The following SIPA1L1 variants were observed in gnomAD, a reference collection of about 807,000 sequenced individuals.
The protein encoded by SIPA1L1 is signal induced proliferation associated 1 like 1, also known as signal-induced proliferation-associated 1-like protein 1.
Under a neutral mutation model 162.7 loss-of-function variants are expected in SIPA1L1, and 26 were observed. The ratio of observed to expected loss-of-function variants is 0.16; its 90% CI spans 0.12 to 0.22. SIPA1L1 has a LOEUF of 0.22. Ranked by LOEUF, SIPA1L1 falls within the 10% of genes least tolerant of loss-of-function variation. The pLI is 1.00. For missense variants in SIPA1L1, 1,874 were observed against 2,241.0 expected (o/e 0.84, Z 3.31); for synonymous variants, 829 against 837.4 (o/e 0.99, Z 0.17).
chr14:71,333,471 A>C (rs537492960), intron 2 of SIPA1L1, among the ~76,000 whole-genome samples: 1 of 152,358 alleles, frequency 6.6e-6, no homozygotes, highest in South Asian at 2.1e-4. Flanking sequence ...TTGACTATAC[A>C]TGAAAAGATT....
At position 71,588,690 on chromosome 14, in the gene SIPA1L1, G is replaced by A; in HGVS notation, c.818G>A (p.Arg273Lys). ...DGPISQRENL[R>K]LFKEREKPLK... ...CCTATCTCACAGAGAGAGAACCTCAGGCTTTTTAAGGAAAGGGAAAAACCA... is the reference window on the plus strand; with the variant it reads ...CCTATCTCACAGAGAGAGAACCTCAAGCTTTTTAAGGAAAGGGAAAAACCA... The change falls in exon 5 of 24, where the codon AGG becomes AAG. Residue 273 changes from arginine (R) to lysine (K), a missense_variant. By Grantham distance (26) the Arg-to-Lys change is conservative. Transcript: ENST00000381232. The surrounding 1 kb of genome is among the most constrained non-coding windows in gnomAD (Gnocchi z 4.3). 1 of 1,613,970 alleles carries A rather than the reference G, an allele frequency of 6.2e-7. No individual in the cohort carries two copies. The highest frequency in any genetic ancestry group is 1.1e-5 in the South Asian group (1 of 91,078).
chr14:71,547,292 CTT>C (rs753714304), intron 4 of SIPA1L1, among the ~76,000 whole-genome samples: 195 of 111,218 alleles, frequency 1.8e-3, no homozygotes, highest in Middle Eastern at 6.0e-3. Flanking sequence ...ATGAAAATAA[CTT>C]TTTTTTTTTT....
At chr14:71,404,507 G>A (rs1018509713) in intron 2 of SIPA1L1, among the ~76,000 whole-genome samples, 3 of 152,130 alleles carry the variant, frequency 2.0e-5, no homozygotes, top group Admixed American at 6.5e-5. Flanking sequence ...TTGCACCACC[G>A]CACTGCACTC....
At chr14:71,557,386 T>C (rs2056437663) in intron 4 of SIPA1L1, among the ~76,000 whole-genome samples, 1 of 152,242 alleles carries the variant, frequency 6.6e-6, no homozygotes, top group African/African-American at 2.4e-5. Flanking sequence ...AATTTCAAAC[T>C]AAGTCCTTAC....
chr14:71,598,958 C>T (rs2036381322), intron 5 of SIPA1L1, among the ~76,000 whole-genome samples: 1 of 152,054 alleles, frequency 6.6e-6, no homozygotes, highest in South Asian at 2.1e-4. Context: ...CCCCCACTTC[C>T]ACCTACACAC....
chr14:71,544,163 G>GCACGTGTGTGTATATA (rs756031755), intron 4 of SIPA1L1, among the ~76,000 whole-genome samples: 3,875 of 145,334 alleles, frequency 0.027, 94 homozygotes, highest in Admixed American at 0.045. Context: ...GTGTGTATAT[G>GCACGTGTGTGTATATA]TACATATATG....
At chr14:71,432,458 T>C (rs1051281957) in intron 2 of SIPA1L1, among the ~76,000 whole-genome samples, 2 of 152,208 alleles carry the variant, frequency 1.3e-5, no homozygotes, top group African/African-American at 4.8e-5. Context: ...AATGGGGGCC[T>C]AACAACCTAC....
intron 2 of SIPA1L1, among the ~76,000 whole-genome samples, chr14:71,403,874 A>G (rs562777994): frequency 3.3e-5 from 5 of 152,032 alleles, no homozygotes; most frequent in Non-Finnish European, 5.9e-5. Context: ...CAGTATGATC[A>G]CTGTATTTCC....
chr14:71,616,628 G>A (rs150209640), intron 5 of SIPA1L1, among the ~76,000 whole-genome samples: 153 of 152,288 alleles, frequency 1.0e-3, no homozygotes, highest in Non-Finnish European at 1.8e-3. Context: ...AAGCTAGAGT[G>A]TGGATGCTGG....
At chr14:71,403,783 C>T (rs1385568003) in intron 2 of SIPA1L1, among the ~76,000 whole-genome samples, 1 of 152,044 alleles carries the variant, frequency 6.6e-6, no homozygotes, top group Non-Finnish European at 1.5e-5. Flanking sequence ...GATGGGTGAG[C>T]TCAAGCCAGC....
At chr14:71,572,408 T>G (rs1461404278) in intron 4 of SIPA1L1, among the ~76,000 whole-genome samples, 2 of 152,208 alleles carry the variant, frequency 1.3e-5, no homozygotes, top group Non-Finnish European at 2.9e-5. Context: ...ATGCTAAGAC[T>G]CAAAGCTTTT....
At chr14:71,507,641 T>A (rs933142646) in intron 2 of SIPA1L1, among the ~76,000 whole-genome samples, 2 of 152,236 alleles carry the variant, frequency 1.3e-5, no homozygotes, top group Non-Finnish European at 1.5e-5. Flanking sequence ...TGTACTTCCT[T>A]TCTCTTACTG....
chr14:71,696,463 T>C (rs1160254002), intron 13 of SIPA1L1, among the ~76,000 whole-genome samples: 2 of 152,262 alleles, frequency 1.3e-5, no homozygotes, highest in Non-Finnish European at 2.9e-5. Context: ...AGAAGGCATA[T>C]TAACTTTCAG....
intron 2 of SIPA1L1, among the ~76,000 whole-genome samples, chr14:71,451,891 T>C (rs2045853567): frequency 6.6e-6 from 1 of 152,038 alleles, no homozygotes; most frequent in African/African-American, 2.4e-5. Context: ...GAAGGGAAAA[T>C]GGTCATTATA....
chr14:71,341,707 G>T (rs181008768), intron 2 of SIPA1L1, among the ~76,000 whole-genome samples: 1 of 152,042 alleles, frequency 6.6e-6, no homozygotes, highest in Non-Finnish European at 1.5e-5. Context: ...TCTTATGTCC[G>T]TGAGTACCCA....
At chr14:71,618,988 G>T in intron 6 of SIPA1L1, 101 bp downstream of exon 6, 4 of 1,302,702 alleles carry the variant, frequency 3.1e-6, no homozygotes, top group Non-Finnish European at 4.3e-6. Flanking sequence ...CATGGTTACA[G>T]CTGTCTTTGG....
At chr14:71,367,248 G>A (rs1357872327) in intron 2 of SIPA1L1, among the ~76,000 whole-genome samples, 1 of 149,184 alleles carries the variant, frequency 6.7e-6, no homozygotes, top group Non-Finnish European at 1.5e-5. Flanking sequence ...TTGGATGGAC[G>A]TTTAGCCTGT....
At chr14:71,516,943 A>G (rs1000662085) in intron 3 of SIPA1L1, among the ~76,000 whole-genome samples, 3 of 152,226 alleles carry the variant, frequency 2.0e-5, no homozygotes, top group African/African-American at 7.2e-5. Context: ...GTTGCACTCC[A>G]GCTGGGGCAA....
intron 2 of SIPA1L1, among the ~76,000 whole-genome samples, chr14:71,507,130 G>A (rs535077370): frequency 6.6e-6 from 1 of 152,110 alleles, no homozygotes; most frequent in South Asian, 2.1e-4. Flanking sequence ...AGGTTAAATG[G>A]GCCTTTTTGC....
Sources: allele counts gnomAD v4.1 joint callset (sites outside exome capture counted in the v4.1 genomes callset), GRCh38; gene constraint gnomAD v4.1.1; non-coding constraint Gnocchi (gnomAD v3.1); transcripts MANE v1.5; gene names NCBI Gene and HGNC (gene_info 2026-07-23, HGNC 2026-07-21).